Variants in FLACC1 observed in about 807,000 individuals in gnomAD.
FLACC1 encodes flagellum-associated coiled-coil domain-containing protein 1.
FLACC1 carries 66 observed loss-of-function variants against 62.8 expected under a neutral mutation model. That is an observed-to-expected ratio of 1.05 (90% CI 0.86 to 1.29). The LOEUF is 1.29. Ranked by LOEUF, FLACC1 falls within the 50% of genes most tolerant of loss-of-function variation. The pLI, the probability that FLACC1 is intolerant of heterozygous loss-of-function variation, is 0.00. For synonymous variants in FLACC1, 156 were observed against 161.0 expected (o/e 0.97, Z 0.24); for missense variants, 452 against 489.1 (o/e 0.92, Z 0.71).
intron 12 of FLACC1, among the ~76,000 whole-genome samples, chr2:201,293,791 G>T (rs973490439): frequency 1.3e-5 from 2 of 149,000 alleles, no homozygotes. Flanking sequence ...TAATAAAGAA[G>T]AAAAGAGAGA....
At chr2:201,313,552 G>T (rs1950255167) in intron 9 of FLACC1, among the ~76,000 whole-genome samples, 1 of 152,118 alleles carries the variant, frequency 6.6e-6, no homozygotes, top group African/African-American at 2.4e-5. Flanking sequence ...AGCAGCTGCA[G>T]CAAGACTCGC....
intron 1 of FLACC1, among the ~76,000 whole-genome samples, chr2:201,355,565 A>T (rs1164778320): frequency 5.3e-5 from 8 of 152,166 alleles, no homozygotes; most frequent in Non-Finnish European, 1.5e-5. Context: ...TAAGAAAAAA[A>T]AAAAAGAAGG....
chr2:201,324,818 T>C (rs1950472151), intron 9 of FLACC1, among the ~76,000 whole-genome samples: 1 of 152,200 alleles, frequency 6.6e-6, no homozygotes, highest in Non-Finnish European at 1.5e-5. Flanking sequence ...TGAATCATAA[T>C]GACACAAGTT....
chr2:201,347,736 T>C (rs1219936283), intron 4 of FLACC1, among the ~76,000 whole-genome samples: 1 of 151,932 alleles, frequency 6.6e-6, no homozygotes, highest in Non-Finnish European at 1.5e-5. Flanking sequence ...GAAATGTAAC[T>C]CTTACTTGGT....
chr2:201,343,222 C>A (rs1437338865), intron 6 of FLACC1, among the ~76,000 whole-genome samples: 2 of 152,202 alleles, frequency 1.3e-5, no homozygotes, highest in African/African-American at 2.4e-5. Flanking sequence ...AGTCTAGGAT[C>A]CCTTCATGGA....
intron 9 of FLACC1, among the ~76,000 whole-genome samples, chr2:201,319,452 G>A (rs1950362626): frequency 6.6e-6 from 1 of 151,972 alleles, no homozygotes; most frequent in Admixed American, 6.6e-5. Flanking sequence ...CTGGCCTTGG[G>A]AAAGAATTTA....
intron 7 of FLACC1, among the ~76,000 whole-genome samples, chr2:201,333,694 G>T (rs550622994): frequency 6.6e-6 from 1 of 152,022 alleles, no homozygotes; most frequent in South Asian, 2.1e-4. Flanking sequence ...TGAGAATGAT[G>T]GTTTCCAGCT....
chr2:201,363,999 G>C, the FLACC1 span, among the ~76,000 whole-genome samples: 1 of 152,150 alleles, frequency 6.6e-6, no homozygotes, highest in South Asian at 2.1e-4. Flanking sequence ...CTGTGTCTGA[G>C]CAGGGAGCTC....
intron 14 of FLACC1, 107 bp from the exon 15 acceptor site, chr2:201,288,888 C>A: frequency 1.6e-6 from 2 of 1,271,588 alleles, no homozygotes; most frequent in Admixed American, 2.2e-5. Flanking sequence ...TTCACCACAG[C>A]AGTCTCTCAC....
intron 12 of FLACC1, among the ~76,000 whole-genome samples, chr2:201,292,899 T>A (rs952097509): frequency 1.3e-5 from 2 of 151,990 alleles, no homozygotes; most frequent in Admixed American, 1.3e-4. Context: ...AGACTTTCAA[T>A]TAACAAAGAT....
intron 11 of FLACC1, among the ~76,000 whole-genome samples, chr2:201,302,455 A>G (rs1000096649): frequency 6.6e-6 from 1 of 152,136 alleles, no homozygotes; most frequent in Non-Finnish European, 1.5e-5. Flanking sequence ...CCTACAAAGA[A>G]ACTTAGATTC....
intron 12 of FLACC1, 97 bp from the exon 13 acceptor site, chr2:201,289,882 G>A (rs1949692988): frequency 6.3e-7 from 1 of 1,598,532 alleles, no homozygotes; most frequent in Non-Finnish European, 8.5e-7. Flanking sequence ...GGAGCAACCT[G>A]AGCTACTTTT....
the FLACC1 span, among the ~76,000 whole-genome samples, chr2:201,363,846 G>A: frequency 1.3e-5 from 2 of 152,190 alleles, no homozygotes; most frequent in Admixed American, 6.5e-5. Flanking sequence ...ACTTGGGGTC[G>A]AGGAAATTTC....
intron 7 of FLACC1, among the ~76,000 whole-genome samples, chr2:201,340,161 T>A (rs1950778772): frequency 6.6e-6 from 1 of 152,224 alleles, no homozygotes; most frequent in South Asian, 2.1e-4. Context: ...CAGCGTATAG[T>A]TGGTTCTTGT....
At chr2:201,329,333 T>C (rs1009171718) in intron 9 of FLACC1, among the ~76,000 whole-genome samples, 1 of 152,228 alleles carries the variant, frequency 6.6e-6, no homozygotes, top group African/African-American at 2.4e-5. Context: ...GGAATGCTTA[T>C]ACACCGTTGG....
intron 3 of FLACC1, among the ~76,000 whole-genome samples, chr2:201,348,513 CA>C (rs1161050948): frequency 6.6e-6 from 1 of 152,126 alleles, no homozygotes; most frequent in African/African-American, 2.4e-5. Flanking sequence ...CCCAAGGAGG[CA>C]AAAGACTTGT....
Position 201,351,369 on chromosome 2 carries a change from C to A in FLACC1, c.36G>T (p.Trp12Cys), listed in dbSNP as rs377182119. 6.2e-7 allele frequency: 1 copy of A among 1,613,894 alleles called. No homozygotes were observed. The highest frequency in any genetic ancestry group is 1.3e-5 in the African/African-American group (1 of 74,858). ...YPNPLIYCTC[W>C]DPWNLGPRKL... The stretch of plus-strand genomic sequence containing the variant: ...TCCGTGGTCCCAAGTTCCAGGGGTC[C>A]CAGCAGGTGCAGTAGATGAGAGGGT... Residue 12 changes from tryptophan to cysteine, a missense_variant, in exon 2 of 15, where the codon TGG becomes TGT. This residue lies in a region of FLACC1 where 147 missense variants were observed against 152.7 expected (regional missense o/e 0.96). Coordinates refer to ENST00000392257, the MANE Select transcript of FLACC1 (RefSeq NM_001127391.3).
intron 7 of FLACC1, among the ~76,000 whole-genome samples, chr2:201,336,883 T>C (rs538634634): frequency 2.0e-5 from 3 of 152,248 alleles, no homozygotes; most frequent in Non-Finnish European, 4.4e-5. Context: ...TTGCTCTATA[T>C]TTCCCTGATG....
rs368557120 is a variant in FLACC1 at position 201,314,375 on chromosome 2, A to G, written c.676-5125T>C. 3.9e-5 allele frequency among the ~76,000 whole-genome samples: 6 copies of G among 152,304 alleles called. No homozygotes were observed. In the East Asian group the frequency reaches 1.2e-3, roughly 29 times the overall value. On this transcript the variant is annotated intron_variant, in intron 9 of 14. Transcript: ENST00000392257. Reference sequence around the variant, plus strand: ...CAAAACTTCAGGAAACAATGGACACACTTATAGAAATGCAAAATGCTCTGG... The same window carrying G: ...CAAAACTTCAGGAAACAATGGACACGCTTATAGAAATGCAAAATGCTCTGG...
Sources: allele counts gnomAD v4.1 joint callset (sites outside exome capture counted in the v4.1 genomes callset), GRCh38; gene constraint gnomAD v4.1.1; regional missense constraint gnomAD v4.1.1; transcripts MANE v1.5; gene names NCBI Gene and HGNC (gene_info 2026-07-23, HGNC 2026-07-21).